Variants in TIAM2 observed in about 807,000 individuals in gnomAD.
TIAM2 encodes TIAM Rac1 associated GEF 2.
Under a neutral mutation model 152.9 loss-of-function variants are expected in TIAM2, and 80 were observed. That is an observed-to-expected ratio of 0.52 (90% CI 0.44 to 0.63). TIAM2 has a LOEUF of 0.63. Ranked by LOEUF, TIAM2 falls within the 30% of genes least tolerant of loss-of-function variation. TIAM2 has a pLI of 0.00. For missense variants in TIAM2, 1,965 were observed against 2,120.1 expected, an observed-to-expected ratio of 0.93 and a Z score of 1.44; for synonymous variants, 804 against 838.0, an observed-to-expected ratio of 0.96 and a Z score of 0.70.
intron 19 of TIAM2, among the ~76,000 whole-genome samples, chr6:155,247,604 G>C (rs995491227): frequency 6.6e-6 from 1 of 152,180 alleles, no homozygotes; most frequent in Non-Finnish European, 1.5e-5. Context: ...CTGGGATTAC[G>C]GGCGTGAGCC....
chr6:155,167,442 A>C (rs1181031747), intron 9 of TIAM2, among the ~76,000 whole-genome samples: 1 of 152,146 alleles, frequency 6.6e-6, no homozygotes, highest in East Asian at 1.9e-4. Context: ...GGCTGGTCTC[A>C]AACTTCTGGG....
chr6:155,202,143 G>A (rs1304585098), intron 14 of TIAM2, among the ~76,000 whole-genome samples: 1 of 152,118 alleles, frequency 6.6e-6, no homozygotes, highest in East Asian at 1.9e-4. Context: ...GGTGCAGTTT[G>A]GGACTTGACT....
intron 2 of TIAM2, among the ~76,000 whole-genome samples, chr6:155,091,139 T>G (rs1170970266): frequency 6.6e-6 from 1 of 152,216 alleles, no homozygotes; most frequent in African/African-American, 2.4e-5. Context: ...TCATGCTTTT[T>G]GGGTTTCAGC....
At chr6:155,229,814 A>T (rs1782384776) in intron 15 of TIAM2, among the ~76,000 whole-genome samples, 1 of 152,192 alleles carries the variant, frequency 6.6e-6, no homozygotes, top group South Asian at 2.1e-4. Context: ...CCTCACAATC[A>T]TGGGGGAGGG....
rs1053535505 is a variant in TIAM2, at chr6:155,048,865, A to G, written c.-208-41424A>G. ...TCCCTGGCTGGAGTGCAGTGGTGCAATCTCGGCTCACTGCAACCTTTGCCT... is the reference window on the plus strand; with the variant it reads ...TCCCTGGCTGGAGTGCAGTGGTGCAGTCTCGGCTCACTGCAACCTTTGCCT... On this transcript the variant is annotated intron_variant, in intron 1 of 26. Transcript: ENST00000682666. 2.6e-5 allele frequency among the ~76,000 whole-genome samples: 4 copies of G among 151,818 alleles called. No homozygotes were observed. The South Asian group carries it at 6.3e-4, about 24-fold the overall frequency.
intron 1 of TIAM2, among the ~76,000 whole-genome samples, chr6:155,078,601 C>T (rs1778002807): frequency 6.6e-6 from 1 of 152,318 alleles, no homozygotes; most frequent in African/African-American, 2.4e-5. Context: ...AAGGCCAGGC[C>T]AGCCAGCAAG....
chr6:155,081,882 C>T (rs546827816), intron 1 of TIAM2, among the ~76,000 whole-genome samples: 5 of 152,252 alleles, frequency 3.3e-5, no homozygotes, highest in African/African-American at 9.6e-5. Flanking sequence ...TTTTTGTTCT[C>T]GCTCAAGCCA....
intron 7 of TIAM2, among the ~76,000 whole-genome samples, chr6:155,155,667 G>T (rs1780088257): frequency 6.6e-6 from 1 of 151,982 alleles, no homozygotes; most frequent in Non-Finnish European, 1.5e-5. Flanking sequence ...TAGAGACGGG[G>T]TTTTGCCATG....
intron 1 of TIAM2, among the ~76,000 whole-genome samples, chr6:155,027,018 A>C (rs776364182): frequency 9.9e-5 from 15 of 152,026 alleles, no homozygotes; most frequent in Non-Finnish European, 2.1e-4. Context: ...ATTTCTGTTC[A>C]TTAGCAAACT....
chr6:155,019,732 G>C (rs1041432901), intron 1 of TIAM2, among the ~76,000 whole-genome samples: 4 of 152,162 alleles, frequency 2.6e-5, no homozygotes, highest in Admixed American at 2.0e-4. Flanking sequence ...TTGCTTCCTC[G>C]TTTGCAGAAT....
chr6:155,158,483 G>A (rs550934041), intron 7 of TIAM2, among the ~76,000 whole-genome samples: 1 of 152,082 alleles, frequency 6.6e-6, no homozygotes, highest in East Asian at 1.9e-4. Context: ...GTTTTTTTCA[G>A]TCTTGTCTTT....
rs926529723 is a variant in TIAM2 at position 155,076,763 on chromosome 6, G to A, written c.-208-13526G>A. ...CAGTGCAGTGCAGTGGCACGTGATT[G>A]TGGCTCACTGCAACCTCCACCTCCC... is the stretch of plus-strand genomic sequence containing the variant. On this transcript the variant is annotated intron_variant, in intron 1 of 26. Transcript: ENST00000682666. 2.0e-5 allele frequency among the ~76,000 whole-genome samples: 3 copies of A among 152,196 alleles called. No homozygotes were observed. In the East Asian group the frequency reaches 5.8e-4, roughly 29 times the overall value.
chr6:155,212,695 C>A (rs375409869), intron 15 of TIAM2, among the ~76,000 whole-genome samples: 5 of 95,552 alleles, frequency 5.2e-5, no homozygotes, highest in African/African-American at 1.7e-4. Flanking sequence ...TAGGCCCACT[C>A]GGCCCACTCG....
At chr6:155,210,199 T>C (rs1013510282) in intron 14 of TIAM2, among the ~76,000 whole-genome samples, 5 of 152,154 alleles carry the variant, frequency 3.3e-5, no homozygotes, top group African/African-American at 1.2e-4. Flanking sequence ...TGTGTTCTAC[T>C]TATTTCATAT....
chr6:155,036,581 ATTATTTATTTATTTATTTATTTAT>A (rs138150629), intron 1 of TIAM2, among the ~76,000 whole-genome samples: 13 of 143,810 alleles, frequency 9.0e-5, no homozygotes, highest in Non-Finnish European at 1.2e-4. Flanking sequence ...GTTTGGAGAA[ATTATTTATTTATTTATTTATTTAT>A]TTATTTATTT....
In TIAM2 at chr6:155,183,138, T is replaced by G. The variant is rs1455978422; in HGVS notation, c.2801-99T>G. On this transcript the variant is annotated intron_variant, in intron 13 of 26. Transcript: ENST00000682666. Reference sequence around the variant, plus strand: ...AGAAAGCAACAAACAAAACAGTCCCTACGAGTACATGGTTTGAGTTTGCAG... The same window carrying G: ...AGAAAGCAACAAACAAAACAGTCCCGACGAGTACATGGTTTGAGTTTGCAG... 3 of 1,460,056 alleles carry G rather than the reference T, an allele frequency of 2.1e-6. No individual in the cohort carries two copies. In the African/African-American group the frequency reaches 4.2e-5, roughly 21 times the overall value. The allele number at this position is 1,460,056 out of a possible 1,614,324, so 90.4% of individuals were successfully genotyped here. A position where few individuals can be genotyped will look rare whatever the true frequency, so the allele number is the denominator to read the frequency against.
chr6:155,233,630 T>C (rs1782585237), intron 15 of TIAM2, among the ~76,000 whole-genome samples: 2 of 152,060 alleles, frequency 1.3e-5, no homozygotes, highest in South Asian at 4.1e-4. Context: ...ATAAATAAGA[T>C]AAAATCATTT....
chr6:155,149,297 A>G lies in TIAM2; in HGVS notation c.2028+963A>G, dbSNP rs185777067. ...GCAATGCCTCTGTCTTGAAGGGGGA[A>G]TCCGGGTGATTCACTATAGAATCCA... On this transcript the variant is annotated intron_variant, in intron 7 of 26. Coordinates refer to ENST00000682666, the MANE Select transcript of TIAM2 (RefSeq NM_012454.4). 2.4e-5 allele frequency: 4 copies of G among 167,074 alleles called. No homozygotes were observed. The Admixed American group carries it at 2.6e-4, about 11-fold the overall frequency. The allele number at this position is 167,074 out of a possible 1,614,324, so 10.3% of individuals were successfully genotyped here.
intron 1 of TIAM2, among the ~76,000 whole-genome samples, chr6:155,003,449 C>T (rs1778347780): frequency 6.6e-6 from 1 of 152,066 alleles, no homozygotes; most frequent in Non-Finnish European, 1.5e-5. Context: ...CACTGCACTT[C>T]AGCCTAGGCA....
Sources: gnomAD v4.1 joint callset for allele counts (sites outside exome capture counted in the v4.1 genomes callset) on GRCh38, gnomAD v4.1.1 for gene constraint, MANE v1.5 for transcripts, NCBI Gene and HGNC (gene_info 2026-07-23, HGNC 2026-07-21) for gene names.